KCNQ1: variants seen among roughly 807,000 people sequenced by gnomAD.
The protein encoded by KCNQ1 is potassium voltage-gated channel subfamily KQT member 1.
In KCNQ1, 49 loss-of-function variants were observed where a neutral mutation model predicts 72.4. The ratio of observed to expected loss-of-function variants is 0.68; its 90% confidence interval spans 0.54 to 0.86. KCNQ1 has a LOEUF of 0.86. Ranked by LOEUF, KCNQ1 falls within the 40% of genes least tolerant of loss-of-function variation. The pLI is 0.00. For missense variants in KCNQ1, 790 were observed against 945.1 expected (o/e 0.84, Z 2.15); for synonymous variants, 450 against 412.6 (o/e 1.09, Z -1.10).
intron 2 of KCNQ1, among the ~76,000 whole-genome samples, chr11:2,569,927 C>T (rs978112289): frequency 2.0e-5 from 3 of 152,124 alleles, no homozygotes; most frequent in African/African-American, 4.8e-5. Context: ...CCTCTGGTGT[C>T]GGTGGAGTTG....
chr11:2,632,541 A>T (rs1463814361), intron 10 of KCNQ1: 3 of 398,316 alleles, frequency 7.5e-6, no homozygotes, highest in Non-Finnish European at 1.3e-5. Flanking sequence ...TTTAGTCAAC[A>T]TGTAATAATT....
intron 6 of KCNQ1, among the ~76,000 whole-genome samples, chr11:2,582,506 C>T (rs1460975768): frequency 7.9e-5 from 12 of 152,230 alleles, no homozygotes; most frequent in Non-Finnish European, 1.3e-4. Context: ...AAGCGGTGGC[C>T]GTCACTTGAC....
chr11:2,619,709 T>G (rs557008306), intron 10 of KCNQ1: 43 of 393,624 alleles, frequency 1.1e-4, no homozygotes, highest in African/African-American at 9.6e-4. Flanking sequence ...TCCCTTTAGC[T>G]GCATTTTTTT....
intron 6 of KCNQ1, among the ~76,000 whole-genome samples, chr11:2,575,817 GC>G (rs1848414842): frequency 6.6e-6 from 1 of 152,198 alleles, no homozygotes. Context: ...CTGAGAGGGT[GC>G]TGGAGCTGCC....
intron 11 of KCNQ1, chr11:2,696,684 C>A: frequency 2.5e-6 from 1 of 398,580 alleles, no homozygotes; most frequent in South Asian, 1.3e-4. Flanking sequence ...TTGCCCTGTT[C>A]AAGAAAATAA....
At chr11:2,729,022 G>A (rs1845808697) in intron 11 of KCNQ1, among the ~76,000 whole-genome samples, 2 of 152,250 alleles carry the variant, frequency 1.3e-5, no homozygotes, top group African/African-American at 4.8e-5. Context: ...ATGCAGGGCT[G>A]GCAACTGTAG....
intron 15 of KCNQ1, among the ~76,000 whole-genome samples, chr11:2,844,287 T>G (rs750589776): frequency 1.3e-5 from 2 of 152,172 alleles, no homozygotes; most frequent in African/African-American, 2.4e-5. Context: ...AGCAGCATGA[T>G]GCATCAGACT....
At chr11:2,835,648 C>T (rs1329767207) in intron 15 of KCNQ1, among the ~76,000 whole-genome samples, 2 of 152,278 alleles carry the variant, frequency 1.3e-5, no homozygotes, top group South Asian at 4.1e-4. Flanking sequence ...ACCACAGCGA[C>T]GAGGGCCTGA....
In KCNQ1 at chr11:2,705,259, G is replaced by A. The variant is rs1024643613; in HGVS notation, c.1514+43178G>A. 6.6e-5 allele frequency among the ~76,000 whole-genome samples: 10 copies of A among 152,294 alleles called. 1 individual carries two copies. In the East Asian group the frequency reaches 1.9e-3, roughly 29 times the overall value. On this transcript the variant is annotated intron_variant, in intron 11 of 15. Transcript: ENST00000155840. The stretch of plus-strand genomic sequence containing the variant: ...GTGATAACGTGAGGCCAGACGGGTG[G>A]GGGGTCTGGAGTTCAGGCGGTCTCC...
rs114495976 is a variant in KCNQ1 at position 2,679,277 on chromosome 11, C to G, written c.1514+17196C>G. The stretch of plus-strand genomic sequence containing the variant: ...CTTGGCTGTGCTCTCCTTTACTAAT[C>G]CATAGCCAAAGACAGGGGCTAATAA... On this transcript the variant is annotated intron_variant, in intron 11 of 15. Coordinates refer to ENST00000155840, the MANE Select transcript of KCNQ1 (RefSeq NM_000218.3). The surrounding 1 kb of genome is among the most constrained non-coding windows in gnomAD (Gnocchi z 4.8). 3.2e-3 allele frequency: 1,285 copies of G among 398,592 alleles called. 18 individuals carry two copies. The highest frequency in any genetic ancestry group is 0.024 in the African/African-American group (1,149 of 48,730). 24.7% of individuals were successfully genotyped at this position (398,592 alleles called of 1,614,324 possible).
Position 2,718,532 on chromosome 11 carries a change from G to A in KCNQ1, c.1515-50312G>A, listed in dbSNP as rs185110511. Among the ~76,000 whole-genome samples, 95 of 152,322 alleles carry A rather than the reference G, an allele frequency of 6.2e-4. 1 individual carries two copies. The East Asian group carries it at 0.01, about 16-fold the overall frequency. ...CTTCCAGTGGATGCAAGGCTGACTCGTACATGTCATGGAGGATAGTTCGGG... is the reference window on the plus strand; with the variant it reads ...CTTCCAGTGGATGCAAGGCTGACTCATACATGTCATGGAGGATAGTTCGGG... On this transcript the variant is annotated intron_variant, in intron 11 of 15. Transcript: ENST00000155840.
At chr11:2,501,729 A>C (rs1367463671) in intron 1 of KCNQ1, among the ~76,000 whole-genome samples, 3 of 102,844 alleles carry the variant, frequency 2.9e-5, no homozygotes, top group African/African-American at 1.5e-4. Context: ...AAAAAAAAAA[A>C]AAAAAAAAAA....
intron 15 of KCNQ1, among the ~76,000 whole-genome samples, chr11:2,812,742 GGGCCCCACGCCCCCGA>G (rs1245530880): frequency 2.2e-4 from 33 of 152,260 alleles, no homozygotes; most frequent in South Asian, 1.5e-3. Context: ...CCATGGCCGT[GGGCCCCACGCCCCCGA>G]GGCCCCACGC....
At chr11:2,655,340 G>T (rs919510534) in intron 10 of KCNQ1, 4 of 398,628 alleles carry the variant, frequency 1.0e-5, no homozygotes, top group Non-Finnish European at 1.3e-5. Context: ...GGCAGCCAAA[G>T]AATTAAAGCA....
chr11:2,508,771 T>C lies in KCNQ1; in HGVS notation c.387-19157T>C, dbSNP rs552484925. Reference sequence around the variant, plus strand: ...GATGGGAAAGACTGTTGAACTAAGCTTTTTAGGAAGAAAGCCATCAATTCC... The same window carrying C: ...GATGGGAAAGACTGTTGAACTAAGCCTTTTAGGAAGAAAGCCATCAATTCC... On this transcript the variant is annotated intron_variant, in intron 1 of 15. Transcript: ENST00000155840. The surrounding 1 kb of genome is among the most constrained non-coding windows in gnomAD (Gnocchi z 6.2). Among the ~76,000 whole-genome samples the C allele has an allele frequency of 6.6e-6, 1 of 152,202 alleles. No individual in the cohort carries two copies. The highest frequency in any genetic ancestry group is 1.5e-5 in the Non-Finnish European group (1 of 68,028).
intron 6 of KCNQ1, among the ~76,000 whole-genome samples, chr11:2,576,682 C>T (rs371553749): frequency 7.3e-4 from 112 of 152,396 alleles, no homozygotes; most frequent in African/African-American, 2.5e-3. Flanking sequence ...GGCAACGCTG[C>T]ACCCTGGCGG....
chr11:2,779,147 C>A (rs865837505), intron 15 of KCNQ1, among the ~76,000 whole-genome samples: 4 of 152,286 alleles, frequency 2.6e-5, no homozygotes, highest in Admixed American at 6.5e-5. Flanking sequence ...CTGGTGCAGA[C>A]CTTTGCCAGG....
rs1564792210 is a variant in KCNQ1 at position 2,477,425 on chromosome 11, G to GT, written c.386+31941_386+31942insT. ...GAATTAGGATGCCGTCTGCTACTGA[G>GT]AGAGCCAGTCATGTTAGTGGCTCAA... On this transcript the variant is annotated intron_variant, in intron 1 of 15. Transcript: ENST00000155840. This position sits in a 1 kb window ranked among gnomAD's most constrained non-coding sequence, Gnocchi z 5.0. Among the ~76,000 whole-genome samples the GT allele has an allele frequency of 3.3e-5, 5 of 152,204 alleles. No individual in the cohort carries two copies. Among genetic ancestry groups the GT allele is most frequent in the Non-Finnish European group, 7.3e-5 (5 of 68,036 alleles).
intron 10 of KCNQ1, chr11:2,630,072 A>G: frequency 2.5e-6 from 1 of 398,214 alleles, no homozygotes; most frequent in Non-Finnish European, 4.4e-6. Flanking sequence ...TATGGCCTTT[A>G]TTGTGTTGCA....
Sources: gnomAD v4.1 joint callset for allele counts (sites outside exome capture counted in the v4.1 genomes callset) on GRCh38, gnomAD v4.1.1 for gene constraint, Gnocchi (gnomAD v3.1) non-coding constraint, MANE v1.5 for transcripts, NCBI Gene and HGNC (gene_info 2026-07-23, HGNC 2026-07-21) for gene names.